Variants in IL3RA observed in about 807,000 individuals in gnomAD.
The protein encoded by IL3RA is interleukin-3 receptor subunit alpha.
IL3RA carries 73 observed loss-of-function variants against 52.3 expected under a neutral mutation model. The ratio of observed to expected loss-of-function variants is 1.40; its 90% CI spans 1.16 to 1.70. IL3RA has a LOEUF of 1.70. IL3RA is among the 40% of genes most tolerant of loss of function. The probability of loss-of-function intolerance (pLI) is 0.00; values close to 1 mark genes in which losing one functional copy is unlikely to be tolerated. For synonymous variants in IL3RA, 260 were observed against 194.0 expected, an observed-to-expected ratio of 1.34 and a Z score of -2.83; for missense variants, 664 against 504.4, an observed-to-expected ratio of 1.32 and a Z score of -3.03.
intron 6 of IL3RA, among the ~76,000 whole-genome samples, chrX:1,354,520 CAG>C (rs1385728114): frequency 7.5e-5 from 9 of 120,126 alleles, no homozygotes; most frequent in South Asian, 5.4e-4. Context: ...GGAAAAGAAA[CAG>C]AGGAAAAGGA....
At chrX:1,368,252 A>T (rs1291102233) in intron 9 of IL3RA, among the ~76,000 whole-genome samples, 1 of 151,972 alleles carries the variant, frequency 6.6e-6, no homozygotes, top group South Asian at 2.1e-4. Context: ...GACAAGAGCG[A>T]GACTCCATCT....
chrX:1,337,149 C>T (rs1285613905), intron 1 of IL3RA, among the ~76,000 whole-genome samples: 2 of 152,170 alleles, frequency 1.3e-5, no homozygotes, highest in Non-Finnish European at 2.9e-5. Context: ...GTGGATCGGA[C>T]GCTGAAGCCA....
chrX:1,363,406 C>T (rs181399971), intron 8 of IL3RA, among the ~76,000 whole-genome samples: 1,920 of 150,692 alleles, frequency 0.013, 17 homozygotes, highest in Non-Finnish European at 0.021. Flanking sequence ...GTTCCCGCCA[C>T]TCTCCTGCCT....
At position 1,348,450 on chromosome X, in the gene IL3RA, G is replaced by A. The variant is rs1303649688; in HGVS notation, c.203G>A (p.Cys68Tyr). The A allele has an allele frequency of 1.2e-6, 2 of 1,613,710 alleles. No individual in the cohort carries two copies. The highest frequency in any genetic ancestry group is 4.5e-5 in the East Asian group (2 of 44,872). ...TCTTAGGCAGTGAACAATAGCTATT[G>A]CCAGTTTGGAGCAATTTCCTTATGT... The part of the protein sequence containing the change: ...YSMPAVNNSY[C>Y]QFGAISLCEV... Residue 68 changes from cysteine (C) to tyrosine (Y), a missense_variant, in exon 4 of 12, where the codon TGC becomes TAC. By Grantham distance (194) the Cys-to-Tyr change is radical. Transcript: ENST00000331035.
chrX:1,348,975 C>G (rs1490328105), intron 4 of IL3RA, among the ~76,000 whole-genome samples: 1 of 149,154 alleles, frequency 6.7e-6, no homozygotes, highest in South Asian at 2.1e-4. Context: ...CTCTCTCTCT[C>G]TTTCTCTCTT....
chrX:1,362,923 A>G (rs1332688905), intron 8 of IL3RA, among the ~76,000 whole-genome samples: 1 of 151,408 alleles, frequency 6.6e-6, no homozygotes, highest in Non-Finnish European at 1.5e-5. Context: ...CTACAGGTGC[A>G]CACCACCACG....
chrX:1,343,396 G>A lies in IL3RA; in HGVS notation c.64+1567G>A, dbSNP rs1264494248. Among the ~76,000 whole-genome samples, 9 of 151,976 alleles carry A rather than the reference G, an allele frequency of 5.9e-5. 1 individual carries two copies. The highest frequency in any genetic ancestry group is 8.8e-5 in the Non-Finnish European group (6 of 68,006). On this transcript the variant is annotated intron_variant, in intron 2 of 11. Coordinates refer to ENST00000331035, the MANE Select transcript of IL3RA (RefSeq NM_002183.4). ...TTGCCTTTTACTGGCCGGGTGCAAC[G>A]GCTCACGTCTGTAATCCCAGCACTT...
Position 1,345,493 on chromosome X carries a change from A to C in IL3RA, c.183+59A>C, listed in dbSNP as rs776727846. Reference sequence around the variant, plus strand: ...ATTTTATTTATTTATGTATTTATGTATTTATTTATTTTTTGAGACGGAGTC... The same window carrying C: ...ATTTTATTTATTTATGTATTTATGTCTTTATTTATTTTTTGAGACGGAGTC... On this transcript the variant is annotated intron_variant, in intron 3 of 11. Coordinates refer to ENST00000331035, the MANE Select transcript of IL3RA (RefSeq NM_002183.4). 5 of 1,187,750 alleles carry C rather than the reference A, an allele frequency of 4.2e-6. No homozygotes were observed. In the East Asian group the frequency reaches 1.1e-4, roughly 27 times the overall value. The allele number at this position is 1,187,750 out of a possible 1,614,324, so 73.6% of individuals were successfully genotyped here.
At chrX:1,344,388 C>T (rs1261564681) in intron 2 of IL3RA, among the ~76,000 whole-genome samples, 14 of 151,904 alleles carry the variant, frequency 9.2e-5, no homozygotes, top group South Asian at 2.1e-4. Flanking sequence ...GAGCCGAGAT[C>T]GCGCCACTGA....
At chrX:1,344,050 T>A (rs1363398627) in intron 2 of IL3RA, among the ~76,000 whole-genome samples, 1 of 152,046 alleles carries the variant, frequency 6.6e-6, no homozygotes, top group Non-Finnish European at 1.5e-5. Flanking sequence ...CACCTTGGCC[T>A]CCCAAAGTGC....
chrX:1,355,726 A>C (rs1206810209), intron 6 of IL3RA, among the ~76,000 whole-genome samples: 4 of 151,884 alleles, frequency 2.6e-5, no homozygotes, highest in Admixed American at 2.0e-4. Context: ...GTGCAGGTCA[A>C]AGTGTAGGAG....
chrX:1,360,939 C>T (rs1428095520), intron 8 of IL3RA, among the ~76,000 whole-genome samples: 1 of 104,478 alleles, frequency 9.6e-6, no homozygotes, highest in Admixed American at 9.1e-5. Flanking sequence ...GTCTCTCTCT[C>T]CCTTCCCCTC....
intron 6 of IL3RA, among the ~76,000 whole-genome samples, chrX:1,353,980 C>CT (rs1472037495): frequency 1.1e-4 from 15 of 140,026 alleles, no homozygotes; most frequent in Non-Finnish European, 4.7e-5. Context: ...ACCCCCACCC[C>CT]CATCATGGGT....
chrX:1,379,982 A>C (rs1361887194), intron 10 of IL3RA, among the ~76,000 whole-genome samples: 16 of 150,796 alleles, frequency 1.1e-4, no homozygotes, highest in African/African-American at 3.9e-4. Context: ...CTGGTCTTGA[A>C]CTCCTGACCT....
intron 9 of IL3RA, among the ~76,000 whole-genome samples, chrX:1,377,192 G>C (rs1191022979): frequency 6.6e-6 from 1 of 152,178 alleles, no homozygotes; most frequent in East Asian, 1.9e-4. Context: ...TGGACCTGCA[G>C]CTTCCAGGAC....
chrX:1,337,399 C>G (rs769514537), intron 1 of IL3RA, among the ~76,000 whole-genome samples: 1 of 152,170 alleles, frequency 6.6e-6, no homozygotes, highest in Non-Finnish European at 1.5e-5. Flanking sequence ...TAGTGTTTCT[C>G]AGTGGTTTTC....
chrX:1,348,036 C>CAA lies in IL3RA; in HGVS notation c.184-382_184-381dup, dbSNP rs372200553. 8.7e-3 allele frequency among the ~76,000 whole-genome samples: 875 copies of CAA among 100,440 alleles called. 6 individuals are homozygous for CAA. The highest frequency in any genetic ancestry group is 0.029 in the Middle Eastern group (4 of 140). 65.9% of individuals were successfully genotyped at this position (100,440 alleles called of 152,430 possible). A position where few individuals can be genotyped will look rare whatever the true frequency, so the allele number is the denominator to read the frequency against. Reference sequence around the variant, plus strand: ...TGGGCGACAGAGCGAGACTCCCTCTCAAAAAAAAAAAAAACAGAAAAAAGT... The same window carrying CAA: ...TGGGCGACAGAGCGAGACTCCCTCTCAAAAAAAAAAAAAAAACAGAAAAAAGT... On this transcript the variant is annotated intron_variant, in intron 3 of 11. Transcript: ENST00000331035.
intron 6 of IL3RA, among the ~76,000 whole-genome samples, chrX:1,353,047 T>TGGGAACCCCCATCATGGGTCCC (rs2086211325): frequency 6.7e-6 from 1 of 148,570 alleles, no homozygotes; most frequent in Admixed American, 6.7e-5. Flanking sequence ...TCATGGGTCA[T>TGGGAACCCCCATCATGGGTCCC]GGGAACCCCC....
chrX:1,345,495 T>A (rs1814510665), intron 3 of IL3RA, 61 bp downstream of exon 3: 1 of 1,180,064 alleles, frequency 8.5e-7, no homozygotes, highest in Non-Finnish European at 1.1e-6. Flanking sequence ...ATTTATGTAT[T>A]TATTTATTTT....
Sources: allele counts gnomAD v4.1 joint callset (sites outside exome capture counted in the v4.1 genomes callset), GRCh38; gene constraint gnomAD v4.1.1; transcripts MANE v1.5; gene names NCBI Gene and HGNC (gene_info 2026-07-23, HGNC 2026-07-21).